Variants in KLHL24 observed in about 807,000 individuals in gnomAD.
KLHL24 encodes kelch-like protein 24.
In KLHL24, 29 loss-of-function variants were observed where a neutral mutation model predicts 53.4. The ratio of observed to expected loss-of-function variants is 0.54; its 90% CI spans 0.40 to 0.74. KLHL24 has a LOEUF of 0.74. Among genes scored for constraint, KLHL24 ranks in the 30% least tolerant of loss-of-function variants. The pLI is 0.00. For missense variants in KLHL24, 504 were observed against 744.0 expected (o/e 0.68, Z 3.75); for synonymous variants, 222 against 253.7 (o/e 0.88, Z 1.19).
At chr3:183,677,476 A>G (rs1421029749) in intron 7 of KLHL24, among the ~76,000 whole-genome samples, 2 of 152,206 alleles carry the variant, frequency 1.3e-5, no homozygotes, top group Non-Finnish European at 2.9e-5. Context: ...AAATTCTAAT[A>G]TAGGCATTTT....
At chr3:183,639,073 C>T (rs983902393) in intron 1 of KLHL24, among the ~76,000 whole-genome samples, 1 of 151,322 alleles carries the variant, frequency 6.6e-6, no homozygotes, top group Non-Finnish European at 1.5e-5. Flanking sequence ...TGGCCGCAGG[C>T]GGCTGTAATC....
Position 183,680,767 on chromosome 3 carries a change from C to T in KLHL24, c.*1481C>T, listed in dbSNP as rs1004752819. On this transcript the variant is annotated 3_prime_UTR_variant, in exon 8 of 8. Coordinates refer to ENST00000242810, the MANE Select transcript of KLHL24 (RefSeq NM_017644.3). ...ATTCTGGGTGGACGGATATAATTTA[C>T]AACATTTAGGGATGTTCTAGGTAGC... 3 of 152,248 alleles carry T rather than the reference C, an allele frequency of 2.0e-5. No homozygotes were observed. Among genetic ancestry groups the T allele is most frequent in the Admixed American group, 6.5e-5 (1 of 15,292 alleles). 9.4% of individuals were successfully genotyped at this position (152,248 alleles called of 1,614,324 possible).
intron 2 of KLHL24, among the ~76,000 whole-genome samples, chr3:183,647,032 C>T (rs1472889829): frequency 6.8e-6 from 1 of 147,136 alleles, no homozygotes; most frequent in Non-Finnish European, 1.5e-5. Flanking sequence ...AGGATGGTCT[C>T]GATTTCCTGA....
intron 1 of KLHL24, chr3:183,642,827 A>G (rs576846566): frequency 2.8e-5 from 4 of 141,090 alleles, no homozygotes; most frequent in South Asian, 2.2e-4. Context: ...GTATTCAAAT[A>G]TCACAGAGTG....
chr3:183,674,307 T>TCTTC (rs1204253794), intron 7 of KLHL24, among the ~76,000 whole-genome samples: 155 of 118,628 alleles, frequency 1.3e-3, no homozygotes, highest in African/African-American at 3.4e-3. Context: ...TTCTTTCCTT[T>TCTTC]CTTCCTTCCT....
Position 183,666,748 on chromosome 3 carries a change from C to T in KLHL24, c.1224+1709C>T, listed in dbSNP as rs564017488. Among the ~76,000 whole-genome samples the T allele has an allele frequency of 3.9e-5, 6 of 152,204 alleles. No homozygotes were observed. In the South Asian group the frequency reaches 1.2e-3, roughly 32 times the overall value. On this transcript the variant is annotated intron_variant, in intron 5 of 7. Coordinates refer to ENST00000242810, the MANE Select transcript of KLHL24 (RefSeq NM_017644.3). ...ATTTTTTAAGATTTGGAAAGTTCAA[C>T]CTGTATATTGTCTTTTAAAAAGTCA...
chr3:183,658,277 T>G (rs1483727987), intron 3 of KLHL24, among the ~76,000 whole-genome samples: 2 of 151,980 alleles, frequency 1.3e-5, no homozygotes, highest in African/African-American at 4.8e-5. Context: ...TTTATGCAGA[T>G]AGTAGGGTAC....
In KLHL24 at chr3:183,679,471, A is replaced by G; in HGVS notation, c.*185A>G. ...TAATAAAGCCTTTCCTATAATTGAA[A>G]AAAAAAACTTTTTTGTTAAAGGTAA... On this transcript the variant is annotated 3_prime_UTR_variant, in exon 8 of 8. Coordinates refer to ENST00000242810, the MANE Select transcript of KLHL24 (RefSeq NM_017644.3). The G allele has an allele frequency of 1.8e-6, 1 of 567,876 alleles. No individual in the cohort carries two copies. Among genetic ancestry groups the G allele is most frequent in the Non-Finnish European group, 3.1e-6 (1 of 326,202 alleles). 35.2% of individuals were successfully genotyped at this position (567,876 alleles called of 1,614,324 possible).
Position 183,635,635 on chromosome 3 carries a change from G to C in KLHL24, c.-283G>C, listed in dbSNP as rs1159104612. The C allele has an allele frequency of 6.6e-6, 1 of 152,518 alleles. No homozygotes were observed. Among genetic ancestry groups the C allele is most frequent in the African/African-American group, 2.4e-5 (1 of 41,476 alleles). 9.4% of individuals were successfully genotyped at this position (152,518 alleles called of 1,614,324 possible). ...ACATGTTTCCTTTGTTGTGAGCTGCGGCAGAGACTGGTGGCTGGAGGAGAC... is the reference window on the plus strand; with the variant it reads ...ACATGTTTCCTTTGTTGTGAGCTGCCGCAGAGACTGGTGGCTGGAGGAGAC... On this transcript the variant is annotated 5_prime_UTR_variant, in exon 1 of 8. Transcript: ENST00000242810.
Position 183,651,026 on chromosome 3 carries a change from G to A in KLHL24, c.670G>A (p.Gly224Ser). The A allele has an allele frequency of 6.2e-7, 1 of 1,614,186 alleles. No homozygotes were observed. The highest frequency in any genetic ancestry group is 8.5e-7 in the Non-Finnish European group (1 of 1,180,022). The change falls in exon 3 of 8, where the codon GGT becomes AGT. Residue 224 changes from glycine (G) to serine (S), a missense_variant. Coordinates refer to ENST00000242810, the MANE Select transcript of KLHL24 (RefSeq NM_017644.3). ...TATTTGTAGTGATGAACTTGTTATT[G>A]GTAAAGAGGAGATGGTTTTTGAAGC... ...DYICSDELVI[G>S]KEEMVFEAVM...
intron 2 of KLHL24, among the ~76,000 whole-genome samples, chr3:183,647,393 C>A (rs1025571270): frequency 6.6e-6 from 1 of 150,818 alleles, no homozygotes; most frequent in African/African-American, 2.4e-5. Context: ...TCCAGCCTGG[C>A]GACAGAGCGA....
chr3:183,670,883 A>T, intron 5 of KLHL24, 151 bp from the exon 6 acceptor site: 1 of 589,312 alleles, frequency 1.7e-6, no homozygotes, highest in African/African-American at 1.9e-5. Flanking sequence ...ATGATTTTTT[A>T]AAAGGTTCAG....
intron 2 of KLHL24, among the ~76,000 whole-genome samples, chr3:183,648,538 A>G (rs750038235): frequency 2.0e-5 from 3 of 152,162 alleles, no homozygotes; most frequent in Non-Finnish European, 4.4e-5. Flanking sequence ...CTGACTTGAA[A>G]TATTTCAAGA....
At chr3:183,673,817 C>G (rs1005008174) in intron 7 of KLHL24, among the ~76,000 whole-genome samples, 2 of 152,184 alleles carry the variant, frequency 1.3e-5, no homozygotes, top group Non-Finnish European at 2.9e-5. Context: ...TGTCCTCTGT[C>G]CTCTTCCCAG....
chr3:183,666,380 A>T (rs139554567), intron 5 of KLHL24, among the ~76,000 whole-genome samples: 30 of 152,046 alleles, frequency 2.0e-4, no homozygotes, highest in African/African-American at 6.5e-4. Flanking sequence ...CTTCTACGTC[A>T]GCCTCCCAAG....
At chr3:183,644,723 A>G (rs1359962078) in intron 2 of KLHL24, among the ~76,000 whole-genome samples, 1 of 152,212 alleles carries the variant, frequency 6.6e-6, no homozygotes, top group African/African-American at 2.4e-5. Context: ...AGCTTAATCA[A>G]TTTTATATTA....
chr3:183,670,857 A>G lies in KLHL24; in HGVS notation c.1225-177A>G, dbSNP rs115172610. On this transcript the variant is annotated intron_variant, in intron 5 of 7. Transcript: ENST00000242810. ...ACCTAAAAAGGCTCCGTGGATTGTG[A>G]TGGTGGTAGGGGATGATGATTTTTT... is the stretch of plus-strand genomic sequence containing the variant. Among the ~76,000 whole-genome samples the G allele has an allele frequency of 3.9e-3, 596 of 152,330 alleles. 2 individuals are homozygous for G. The highest frequency in any genetic ancestry group is 0.01 in the Middle Eastern group (3 of 294).
At position 183,669,848 on chromosome 3, in the gene KLHL24, C is replaced by T. The variant is rs946552250; in HGVS notation, c.1225-1186C>T. Among the ~76,000 whole-genome samples, 6 of 152,122 alleles carry T rather than the reference C, an allele frequency of 3.9e-5. No homozygotes were observed. In the East Asian group the frequency reaches 9.7e-4, roughly 25 times the overall value. The stretch of plus-strand genomic sequence containing the variant: ...TCAAGTGGGTGATGGCAGCGGGAAA[C>T]GTAAAGGAAGGGGTATATGTGAAAG... On this transcript the variant is annotated intron_variant, in intron 5 of 7. Coordinates refer to ENST00000242810, the MANE Select transcript of KLHL24 (RefSeq NM_017644.3).
At chr3:183,658,408 G>C (rs1719221363) in intron 3 of KLHL24, among the ~76,000 whole-genome samples, 1 of 151,964 alleles carries the variant, frequency 6.6e-6, no homozygotes, top group African/African-American at 2.4e-5. Flanking sequence ...TTGTTCTTTT[G>C]AAAGAGCTAT....
Sources: gnomAD v4.1 joint callset for allele counts (sites outside exome capture counted in the v4.1 genomes callset) on GRCh38, gnomAD v4.1.1 for gene constraint, MANE v1.5 for transcripts, NCBI Gene and HGNC (gene_info 2026-07-23, HGNC 2026-07-21) for gene names.